Variants in SPAG16 observed in about 807,000 individuals in gnomAD.
SPAG16 encodes the protein sperm-associated antigen 16 protein.
A neutral mutation model predicts 80.4 loss-of-function variants in SPAG16; 86 were observed. The observed-to-expected ratio is 1.07, with a 90% CI of 0.90 to 1.28. The LOEUF (loss-of-function observed/expected upper bound fraction) is 1.28. SPAG16 is among the 50% of genes most tolerant of loss of function. SPAG16 has a pLI of 0.00. For synonymous variants in SPAG16, 294 were observed against 265.9 expected (o/e 1.11, Z -1.03); for missense variants, 870 against 765.3 (o/e 1.14, Z -1.61).
chr2:213,387,601 C>G (rs1042712767), intron 9 of SPAG16, among the ~76,000 whole-genome samples: 1 of 136,036 alleles, frequency 7.4e-6, no homozygotes, highest in Admixed American at 7.4e-5. Flanking sequence ...ACTACAGGCG[C>G]CCGCCACCAC....
chr2:214,403,871 G>C (rs1317417867), intron 15 of SPAG16, among the ~76,000 whole-genome samples: 1 of 152,114 alleles, frequency 6.6e-6, no homozygotes, highest in Non-Finnish European at 1.5e-5. Context: ...TCACATGAAT[G>C]GTATGAATGA....
chr2:213,473,300 C>T lies in SPAG16; in HGVS notation c.943-16663C>T, dbSNP rs564066829. 3.3e-5 allele frequency among the ~76,000 whole-genome samples: 5 copies of T among 152,230 alleles called. No homozygotes were observed. In the East Asian group the frequency reaches 7.7e-4, roughly 24 times the overall value. On this transcript the variant is annotated intron_variant, in intron 9 of 15. Transcript: ENST00000331683. Reference sequence around the variant, plus strand: ...GATGGTTGAGTGTCGCCACTTGGTCCCTGCCATCTCAGGATCCAATTATTC... The same window carrying T: ...GATGGTTGAGTGTCGCCACTTGGTCTCTGCCATCTCAGGATCCAATTATTC...
intron 10 of SPAG16, among the ~76,000 whole-genome samples, chr2:213,638,660 A>T (rs918858864): frequency 6.6e-6 from 1 of 152,174 alleles, no homozygotes; most frequent in South Asian, 2.1e-4. Flanking sequence ...TTTGTGGCCT[A>T]TGATATGTCC....
intron 10 of SPAG16, among the ~76,000 whole-genome samples, chr2:213,668,900 G>C (rs538285296): frequency 6.6e-6 from 1 of 152,034 alleles, no homozygotes; most frequent in East Asian, 1.9e-4. Flanking sequence ...TGCCTGCCTC[G>C]GCCTCCCTAA....
chr2:213,916,856 G>A (rs10198318), intron 11 of SPAG16, among the ~76,000 whole-genome samples: 88,975 of 151,986 alleles, frequency 0.59, 27,842 homozygotes, highest in South Asian at 0.84. Context: ...TTTTTGTCAC[G>A]AAATCTGTGC....
At chr2:213,329,909 A>G (rs983753942) in intron 5 of SPAG16, among the ~76,000 whole-genome samples, 2 of 152,204 alleles carry the variant, frequency 1.3e-5, no homozygotes, top group African/African-American at 2.4e-5. Context: ...AGCCATGACT[A>G]AAAGGGGCCA....
At chr2:213,749,890 C>A (rs2068005250) in intron 10 of SPAG16, among the ~76,000 whole-genome samples, 1 of 152,242 alleles carries the variant, frequency 6.6e-6, no homozygotes, top group East Asian at 1.9e-4. Context: ...TGTAGACACT[C>A]AATAAATGTG....
intron 15 of SPAG16, among the ~76,000 whole-genome samples, chr2:214,287,148 A>G (rs1693424438): frequency 6.6e-6 from 1 of 152,228 alleles, no homozygotes; most frequent in African/African-American, 2.4e-5. Context: ...TGCCATAATC[A>G]TGCATGGCCT....
intron 5 of SPAG16, among the ~76,000 whole-genome samples, chr2:213,332,587 C>G (rs1553628503): frequency 2.0e-5 from 3 of 151,990 alleles, no homozygotes; most frequent in Non-Finnish European, 4.4e-5. Flanking sequence ...AAAAATAAAA[C>G]CACAGGCCAG....
At chr2:214,114,474 G>A (rs954679125) in intron 14 of SPAG16, among the ~76,000 whole-genome samples, 4 of 151,558 alleles carry the variant, frequency 2.6e-5, no homozygotes, top group African/African-American at 9.7e-5. Flanking sequence ...TGCTTTTTGG[G>A]CACTTTGTTT....
At chr2:214,337,033 T>TGCAGGTACTTGAC (rs1697342879) in intron 15 of SPAG16, among the ~76,000 whole-genome samples, 1 of 150,546 alleles carries the variant, frequency 6.6e-6, no homozygotes, top group Non-Finnish European at 1.5e-5. Context: ...GTCACTTGCC[T>TGCAGGTACTTGAC]GCAGGTACTT....
intron 11 of SPAG16, among the ~76,000 whole-genome samples, chr2:213,916,104 G>T (rs907398056): frequency 7.2e-5 from 11 of 152,146 alleles, no homozygotes; most frequent in African/African-American, 2.7e-4. Flanking sequence ...TTGTGCAGAA[G>T]CTCTTTAGTT....
Position 213,284,590 on chromosome 2 carries a change from T to G in SPAG16, c.107T>G (p.Val36Gly). ...AGDARDTADA[V>G]AAEGAYYLEQ... is the part of the protein sequence containing the mutation. ...GACGCGAGGGACACGGCGGACGCGG[T>G]GGCGGCTGAGGGCGCCTACTACCTG... Residue 36 changes from valine (V) to glycine (G), a missense_variant, in exon 1 of 16, where the codon GTG becomes GGG. Val to Gly is a moderately radical substitution (Grantham distance 109). Transcript: ENST00000331683. The G allele has an allele frequency of 2.5e-6, 4 of 1,609,452 alleles. No individual in the cohort carries two copies. The highest frequency in any genetic ancestry group is 3.4e-6 in the Non-Finnish European group (4 of 1,178,534).
intron 10 of SPAG16, among the ~76,000 whole-genome samples, chr2:213,751,867 C>T (rs919449339): frequency 6.6e-6 from 1 of 152,266 alleles, no homozygotes; most frequent in Middle Eastern, 3.4e-3. Context: ...AACTCTCAGG[C>T]CCAGTTTTTT....
At chr2:213,438,332 G>A (rs1476762986) in intron 9 of SPAG16, among the ~76,000 whole-genome samples, 2 of 152,186 alleles carry the variant, frequency 1.3e-5, no homozygotes, top group Non-Finnish European at 2.9e-5. Context: ...GGAGTGGGGA[G>A]TATTCTGATA....
intron 10 of SPAG16, among the ~76,000 whole-genome samples, chr2:213,597,195 T>G (rs1388788699): frequency 6.6e-6 from 1 of 152,174 alleles, no homozygotes; most frequent in Admixed American, 6.5e-5. Flanking sequence ...TTTAATAAAA[T>G]TTATTCATTC....
chr2:213,711,081 T>C (rs562914502), intron 10 of SPAG16, among the ~76,000 whole-genome samples: 1 of 152,188 alleles, frequency 6.6e-6, no homozygotes, highest in African/African-American at 2.4e-5. Context: ...TAAAAGACTA[T>C]TTAAGTAAAT....
intron 10 of SPAG16, among the ~76,000 whole-genome samples, chr2:213,676,135 T>A (rs2064060140): frequency 6.6e-6 from 1 of 151,554 alleles, no homozygotes; most frequent in Admixed American, 6.6e-5. Flanking sequence ...GGTATTTTAT[T>A]CTCTTTGAAG....
intron 13 of SPAG16, among the ~76,000 whole-genome samples, chr2:214,068,169 A>G (rs533787934): frequency 6.6e-6 from 1 of 152,236 alleles, no homozygotes; most frequent in East Asian, 1.9e-4. Context: ...AATGGAAACA[A>G]TGATGCAAAT....
Sources: allele counts gnomAD v4.1 joint callset (sites outside exome capture counted in the v4.1 genomes callset), GRCh38; gene constraint gnomAD v4.1.1; transcripts MANE v1.5; gene names NCBI Gene and HGNC (gene_info 2026-07-23, HGNC 2026-07-21).